The following MED21 variants were observed in gnomAD, a reference collection of about 807,000 sequenced individuals.
The protein encoded by MED21 is mediator complex subunit 21.
Under a neutral mutation model 18.2 loss-of-function variants are expected in MED21, and 9 were observed. The observed-to-expected ratio is 0.49, with a 90% CI of 0.30 to 0.86. The LOEUF (loss-of-function observed/expected upper bound fraction) is 0.86, where lower values mean the gene tolerates loss of function less well. Among genes scored for constraint, MED21 ranks in the 40% least tolerant of loss-of-function variants. MED21 has a pLI of 0.07. For synonymous variants in MED21, 73 were observed against 60.5 expected (o/e 1.21, Z -0.96); for missense variants, 150 against 170.9 (o/e 0.88, Z 0.68).
At chr12:27,035,538 T>C (rs1941644647), downstream of MED21, among the ~76,000 whole-genome samples, 2 of 150,320 alleles carry the variant, frequency 1.3e-5, no homozygotes, top group Non-Finnish European at 3.0e-5. Context: ...GCTGCACCCG[T>C]TAACTCGTCA....
chr12:27,023,368 C>T (rs1396936617), intron 1 of MED21, among the ~76,000 whole-genome samples: 1 of 141,504 alleles, frequency 7.1e-6, no homozygotes, highest in East Asian at 2.1e-4. Context: ...GGCGCGATCT[C>T]TGCTCACTGC....
chr12:27,023,300 C>CTTTTCT (rs1555110746), intron 1 of MED21, among the ~76,000 whole-genome samples: 16 of 110,402 alleles, frequency 1.4e-4, no homozygotes, highest in East Asian at 1.4e-3. Flanking sequence ...TTTTTCTTTT[C>CTTTTCT]TTTTTTTTTT....
Position 27,028,836 on chromosome 12 carries a change from T to A in MED21, c.*375T>A. The A allele has an allele frequency of 1.0e-6, 1 of 992,392 alleles. No homozygotes were observed. The highest frequency in any genetic ancestry group is 1.2e-6 in the Non-Finnish European group (1 of 834,068). 61.5% of individuals were successfully genotyped at this position (992,392 alleles called of 1,614,324 possible). A position where few individuals can be genotyped will look rare whatever the true frequency, so the allele number is the denominator to read the frequency against. On this transcript the variant is annotated 3_prime_UTR_variant, in exon 4 of 4. Transcript: ENST00000282892. The stretch of plus-strand genomic sequence containing the variant: ...TCTCTCAAGCCAAAGGAGAAGACAG[T>A]AAGAACAGACATAAGGGACATTTTA...
In MED21 at chr12:27,029,002, T is replaced by G; in HGVS notation, c.*541T>G. 1 of 985,522 alleles carries G rather than the reference T, an allele frequency of 1.0e-6. No homozygotes were observed. Among genetic ancestry groups the G allele is most frequent in the Non-Finnish European group, 1.2e-6 (1 of 829,972 alleles). The allele number at this position is 985,522 out of a possible 1,614,324, so 61.0% of individuals were successfully genotyped here. A position where few individuals can be genotyped will look rare whatever the true frequency, so the allele number is the denominator to read the frequency against. ...AAAGTCACATTTATGCAAATGTTTC[T>G]TCTGCTAGAACCTCATACCTGTTCT... On this transcript the variant is annotated 3_prime_UTR_variant, in exon 4 of 4. Transcript: ENST00000282892.
chr12:27,024,043 A>G (rs1472844141), intron 1 of MED21, among the ~76,000 whole-genome samples: 1 of 152,194 alleles, frequency 6.6e-6, no homozygotes, highest in African/African-American at 2.4e-5. Context: ...AGGCAATAAG[A>G]ATTTTTCAGC....
Position 27,022,569 on chromosome 12 carries a change from G to A in MED21, c.-11G>A, listed in dbSNP as rs1941483694. ...GCAGCTGTTTTGGCGTCTGTTTGCTGCGGTAGGAACATGGCGGATCGGCTC... is the reference window on the plus strand; with the variant it reads ...GCAGCTGTTTTGGCGTCTGTTTGCTACGGTAGGAACATGGCGGATCGGCTC... On this transcript the variant is annotated 5_prime_UTR_variant, in exon 1 of 4. Transcript: ENST00000282892. 3 of 1,542,526 alleles carry A rather than the reference G, an allele frequency of 1.9e-6. No individual in the cohort carries two copies. The highest frequency in any genetic ancestry group is 2.4e-5 in the South Asian group (2 of 84,212).
chr12:27,032,105 A>C (rs562867113), downstream of MED21, among the ~76,000 whole-genome samples: 83 of 152,260 alleles, frequency 5.5e-4, no homozygotes, highest in Non-Finnish European at 9.4e-4. Context: ...AAAGGAGAAA[A>C]ATCCTTAGGT....
intron 2 of MED21, 38 bp downstream of exon 2, chr12:27,026,572 C>CA (rs763564916): frequency 5.3e-6 from 7 of 1,320,702 alleles, no homozygotes; most frequent in Non-Finnish European, 6.5e-6. Context: ...GTTTGACTCT[C>CA]ACATTTTTTG....
At chr12:27,022,764 G>A in intron 1 of MED21, 143 bp downstream of exon 1, 1 of 1,539,528 alleles carries the variant, frequency 6.5e-7, no homozygotes, top group Non-Finnish European at 8.7e-7. Context: ...CTCGGGAGGC[G>A]CCACCGCGAA....
chr12:27,027,020 C>A lies in MED21; in HGVS notation c.158-327C>A, dbSNP rs551075981. Reference sequence around the variant, plus strand: ...CTTGGCTCACTGCAACTTTCGCCTCCCGGGTTCAAGGAATTCTCCTGCCTC... The same window carrying A: ...CTTGGCTCACTGCAACTTTCGCCTCACGGGTTCAAGGAATTCTCCTGCCTC... On this transcript the variant is annotated intron_variant, in intron 2 of 3. Transcript: ENST00000282892. 1.1e-4 allele frequency among the ~76,000 whole-genome samples: 16 copies of A among 152,158 alleles called. No homozygotes were observed. In the South Asian group the frequency reaches 3.1e-3, roughly 29 times the overall value.
downstream of MED21, among the ~76,000 whole-genome samples, chr12:27,035,505 G>A (rs1314475402): frequency 6.8e-6 from 1 of 147,234 alleles, no homozygotes; most frequent in Non-Finnish European, 1.5e-5. Flanking sequence ...AGTTACATAT[G>A]TATACATGTG....
rs1941587780 is a variant in MED21 at position 27,029,458 on chromosome 12, A to G, written c.*997A>G. ...GAATTGAAATGTGGTCCACATTTTAACTAGCTATTTCCTGGGGCTGTATTT... is the reference window on the plus strand; with the variant it reads ...GAATTGAAATGTGGTCCACATTTTAGCTAGCTATTTCCTGGGGCTGTATTT... On this transcript the variant is annotated 3_prime_UTR_variant, in exon 4 of 4. Transcript: ENST00000282892. 1.0e-6 allele frequency: 1 copy of G among 985,462 alleles called. No individual in the cohort carries two copies. The highest frequency in any genetic ancestry group is 1.2e-6 in the Non-Finnish European group (1 of 829,938). The allele number at this position is 985,462 out of a possible 1,614,324, so 61.0% of individuals were successfully genotyped here.
rs1481579719 is a variant in MED21, at chr12:27,026,521, T to A, written c.144T>A (p.Ala48=). Residue 48 remains alanine, a synonymous_variant, in exon 2 of 4, where the codon GCT becomes GCA. Transcript: ENST00000282892. The part of the protein sequence containing the change: ...IQTAINKDQP[A]NPTEEYAQLF... ...CAGCAATTAACAAAGACCAGCCAGC[T>A]AACCCTACAGAAGGTAAACAGGTTT... 6 of 1,612,160 alleles carry A rather than the reference T, an allele frequency of 3.7e-6. No homozygotes were observed. Among genetic ancestry groups the A allele is most frequent in the East Asian group, 2.2e-5 (1 of 44,810 alleles).
downstream of MED21, among the ~76,000 whole-genome samples, chr12:27,031,795 A>G (rs1412040053): frequency 6.6e-6 from 1 of 152,214 alleles, no homozygotes; most frequent in African/African-American, 2.4e-5. Flanking sequence ...GGGAAGTGAA[A>G]GAATGAAAGG....
chr12:27,025,303 A>G (rs535169538), intron 1 of MED21, among the ~76,000 whole-genome samples: 166 of 152,358 alleles, frequency 1.1e-3, no homozygotes, highest in African/African-American at 3.6e-3. Context: ...CCATTTAGTC[A>G]TAAGTGACTT....
chr12:27,038,022 G>C (rs1941660311), intron 2 of MED21: 1 of 152,184 alleles, frequency 6.6e-6, no homozygotes, highest in Non-Finnish European at 1.5e-5. Flanking sequence ...GATCAAACTT[G>C]TTCCCTTTCA....
chr12:27,022,764 G>T, intron 1 of MED21, 143 bp downstream of exon 1: 1 of 1,539,528 alleles, frequency 6.5e-7, no homozygotes, highest in Non-Finnish European at 8.7e-7. Flanking sequence ...CTCGGGAGGC[G>T]CCACCGCGAA....
intron 3 of MED21, among the ~76,000 whole-genome samples, chr12:27,027,873 G>C (rs551826436): frequency 6.6e-6 from 1 of 152,054 alleles, no homozygotes; most frequent in Admixed American, 6.6e-5. Flanking sequence ...CATCACATTG[G>C]GGATTAGATT....
intron 2 of MED21, among the ~76,000 whole-genome samples, chr12:27,035,762 A>G (rs1345619570): frequency 4.6e-5 from 7 of 151,962 alleles, no homozygotes; most frequent in East Asian, 1.9e-4. Context: ...TACAAAGGAC[A>G]TGAACTCATC....
Sources: allele counts gnomAD v4.1 joint callset (sites outside exome capture counted in the v4.1 genomes callset), GRCh38; gene constraint gnomAD v4.1.1; transcripts MANE v1.5; gene names NCBI Gene and HGNC (gene_info 2026-07-23, HGNC 2026-07-21).